SLC24A1: variants seen among roughly 807,000 people sequenced by gnomAD.
SLC24A1 encodes solute carrier family 24 member 1, also known as sodium/potassium/calcium exchanger 1.
A neutral mutation model predicts 88.1 loss-of-function variants in SLC24A1; 52 were observed. The ratio of observed to expected loss-of-function variants is 0.59; its 90% CI spans 0.47 to 0.74. SLC24A1 has a LOEUF of 0.74. Ranked by LOEUF, SLC24A1 falls within the 30% of genes least tolerant of loss-of-function variation. The probability of loss-of-function intolerance (pLI) is 0.00; values close to 1 mark genes in which losing one functional copy is unlikely to be tolerated. For synonymous variants in SLC24A1, 455 were observed against 498.0 expected, an observed-to-expected ratio of 0.91 and a Z score of 1.15; for missense variants, 1,173 against 1,363.3, an observed-to-expected ratio of 0.86 and a Z score of 2.20.
At chr15:65,651,479 C>T (rs2075502996) in intron 7 of SLC24A1, among the ~76,000 whole-genome samples, 191 bp from the exon 8 acceptor site, 1 of 152,116 alleles carries the variant, frequency 6.6e-6, no homozygotes, top group African/African-American at 2.4e-5. Context: ...ACAGGTGTAC[C>T]CCCAACCTCC....
At chr15:65,636,291 CA>C (rs1232170393) in intron 2 of SLC24A1, among the ~76,000 whole-genome samples, 1 of 151,864 alleles carries the variant, frequency 6.6e-6, no homozygotes, top group Non-Finnish European at 1.5e-5. Context: ...CCAGTATCTA[CA>C]AAAAACAAAA....
rs2075464385 is a variant in SLC24A1, at chr15:65,650,655, G to C, written c.2506G>C (p.Glu836Gln). ...GETESQELSA[E>Q]NHGEAKNDEK... ...AACTGAAAGCCAGGAACTCAGTGCT[G>C]AAAATCACGGTGAAGCCAAAAATGA... Residue 836 changes from glutamate to glutamine, a missense_variant, in exon 7 of 10, where the codon GAA (glutamate) becomes CAA (glutamine). Glu to Gln is a conservative substitution (Grantham distance 29). Coordinates refer to ENST00000261892, the MANE Select transcript of SLC24A1 (RefSeq NM_004727.3). The surrounding 1 kb of genome is among the most constrained non-coding windows in gnomAD (Gnocchi z 4.1). The C allele has an allele frequency of 1.2e-5, 18 of 1,548,094 alleles. No homozygotes were observed. The highest frequency in any genetic ancestry group is 1.5e-5 in the Non-Finnish European group (17 of 1,144,422).
At chr15:65,613,864 C>T (rs1168162209) in intron 2 of SLC24A1, among the ~76,000 whole-genome samples, 1 of 152,032 alleles carries the variant, frequency 6.6e-6, no homozygotes, top group Middle Eastern at 3.2e-3. Context: ...GGGGGAAGAG[C>T]AGTGGGCCTA....
intron 2 of SLC24A1, among the ~76,000 whole-genome samples, chr15:65,634,821 GAAAA>G (rs59710940): frequency 3.4e-5 from 5 of 148,774 alleles, no homozygotes; most frequent in African/African-American, 4.9e-5. Context: ...AGAAAAAAAA[GAAAA>G]AAAGAGAAGA....
chr15:65,650,827 AT>A lies in SLC24A1; in HGVS notation c.2679del (p.Asn893LysfsTer31), dbSNP rs767036519. 2.0e-5 allele frequency: 32 copies of A among 1,613,572 alleles called. No individual in the cohort carries two copies. The highest frequency in any genetic ancestry group is 2.6e-5 in the Non-Finnish European group (31 of 1,179,806). On this transcript the variant is annotated frameshift_variant, in exon 7 of 10. Coordinates refer to ENST00000261892, the MANE Select transcript of SLC24A1 (RefSeq NM_004727.3). LOFTEE classifies it high-confidence loss of function. The surrounding 1 kb of genome is among the most constrained non-coding windows in gnomAD (Gnocchi z 4.1). ...GAGGAGGAAGAGGAGGAGAAGGGAA[AT>A]GAAGAGCCTCTGTCCCTGGACTGGC... ...EEEEEEEEKG[N>X]EEPLSLDWPE...
chr15:65,650,348 T>C lies in SLC24A1; in HGVS notation c.2233-34T>C. 6.6e-7 allele frequency: 1 copy of C among 1,519,000 alleles called. No homozygotes were observed. The highest frequency in any genetic ancestry group is 8.9e-7 in the Non-Finnish European group (1 of 1,121,090). The allele number at this position is 1,519,000 out of a possible 1,614,324, so 94.1% of individuals were successfully genotyped here. On this transcript the variant is annotated intron_variant, in intron 6 of 9. Coordinates refer to ENST00000261892, the MANE Select transcript of SLC24A1 (RefSeq NM_004727.3). The surrounding 1 kb of genome is among the most constrained non-coding windows in gnomAD (Gnocchi z 4.1). ...ACATAAGGAAAACAAGCAGAGCAGT[T>C]ACCACACATTAATCTGTTGGTTTTG...
Position 65,640,696 on chromosome 15 carries a change from C to T in SLC24A1, c.2053+993C>T, listed in dbSNP as rs535745329. The stretch of plus-strand genomic sequence containing the variant: ...CCTTTCTGGCTCAAGGACAAATTTT[C>T]GGGGCTCAGAATTTTCTTTAGGCTC... On this transcript the variant is annotated intron_variant, in intron 4 of 9. Transcript: ENST00000261892. 5.9e-5 allele frequency among the ~76,000 whole-genome samples: 9 copies of T among 152,232 alleles called. No individual in the cohort carries two copies. In the South Asian group the frequency reaches 1.0e-3, roughly 18 times the overall value.
chr15:65,611,847 G>T (rs2073962145), intron 1 of SLC24A1: 1 of 152,314 alleles, frequency 6.6e-6, no homozygotes, highest in South Asian at 2.1e-4. Flanking sequence ...TACTTGGGAG[G>T]CTAACGCACG....
intron 2 of SLC24A1, among the ~76,000 whole-genome samples, chr15:65,633,880 C>A (rs2074816991): frequency 6.6e-6 from 1 of 152,066 alleles, no homozygotes; most frequent in Admixed American, 6.6e-5. Context: ...TGCTCAGAAA[C>A]CCACTCTGGC....
chr15:65,634,139 T>C (rs1156566511), intron 2 of SLC24A1, among the ~76,000 whole-genome samples: 1 of 152,122 alleles, frequency 6.6e-6, no homozygotes, highest in Non-Finnish European at 1.5e-5. Context: ...TGAAGTGTGC[T>C]CTACCTGAGA....
chr15:65,651,100 G>A (rs2075488801), intron 7 of SLC24A1, among the ~76,000 whole-genome samples, 158 bp downstream of exon 7: 1 of 152,136 alleles, frequency 6.6e-6, no homozygotes, highest in Non-Finnish European at 1.5e-5. Flanking sequence ...AAGCCTTGGA[G>A]GGGGACTATG....
chr15:65,633,012 C>A (rs755725761), intron 2 of SLC24A1, among the ~76,000 whole-genome samples: 12 of 152,106 alleles, frequency 7.9e-5, no homozygotes, highest in Admixed American at 2.0e-4. Flanking sequence ...TGCAGAGAGC[C>A]GACATCTCAA....
Position 65,654,408 on chromosome 15 carries a change from A to G in SLC24A1, c.*329A>G. 8.5e-7 allele frequency: 1 copy of G among 1,171,138 alleles called. No individual in the cohort carries two copies. The highest frequency in any genetic ancestry group is 1.1e-6 in the Non-Finnish European group (1 of 942,944). 72.5% of individuals were successfully genotyped at this position (1,171,138 alleles called of 1,614,324 possible). A position where few individuals can be genotyped will look rare whatever the true frequency, so the allele number is the denominator to read the frequency against. On this transcript the variant is annotated 3_prime_UTR_variant, in exon 10 of 10. Transcript: ENST00000261892. The stretch of plus-strand genomic sequence containing the variant: ...GGGCAAAGGTTGGGATAGGCGCAGC[A>G]GCTATAAGACAAGCTCCTACGCTCA...
chr15:65,644,564 T>C, intron 5 of SLC24A1, 51 bp downstream of exon 5: 1 of 1,314,152 alleles, frequency 7.6e-7, no homozygotes, highest in Non-Finnish European at 1.1e-6. Context: ...CTCTCCCTGC[T>C]GTCAGTAGTG....
At position 65,650,580 on chromosome 15, in the gene SLC24A1, G is replaced by C; in HGVS notation, c.2431G>C (p.Glu811Gln). ...AAAAGGAGACAATGAAGGTGAAGAT[G>C]AGGGTGAAATCCACGCAGAAGATGG... is the stretch of plus-strand genomic sequence containing the variant. ...EGKGDNEGED[E>Q]GEIHAEDGEM... Residue 811 changes from glutamate to glutamine, a missense_variant, in exon 7 of 10, where the codon GAG becomes CAG. By Grantham distance (29) the Glu-to-Gln change is conservative. Transcript: ENST00000261892. This position sits in a 1 kb window ranked among gnomAD's most constrained non-coding sequence, Gnocchi z 4.1. The C allele has an allele frequency of 1.3e-6, 2 of 1,551,906 alleles. No individual in the cohort carries two copies. Among genetic ancestry groups the C allele is most frequent in the Non-Finnish European group, 1.7e-6 (2 of 1,147,000 alleles).
chr15:65,614,394 A>G (rs115511090), intron 2 of SLC24A1, among the ~76,000 whole-genome samples: 1,936 of 152,342 alleles, frequency 0.013, 52 homozygotes, highest in African/African-American at 0.045. Context: ...TCAGCTTTCA[A>G]ATATTCAGTT....
At chr15:65,658,434 A>G (rs532791166), downstream of SLC24A1, 4 of 152,362 alleles carry the variant, frequency 2.6e-5, no homozygotes, top group Non-Finnish European at 5.9e-5. Context: ...GCAGCTTTCA[A>G]GTTCTAGTGA....
At position 65,625,181 on chromosome 15, in the gene SLC24A1, G is replaced by A. The variant is rs1414946852; in HGVS notation, c.1101G>A (p.Leu367=). ...IKTAPAIVWR[L]AKKPSTAPST... ...CAGCCCCAGCCATAGTCTGGAGGCTGGCAAAGAAACCTTCCACAGCACCCA... is the reference window on the plus strand; with the variant it reads ...CAGCCCCAGCCATAGTCTGGAGGCTAGCAAAGAAACCTTCCACAGCACCCA... The change falls in exon 2 of 10, where the codon CTG becomes CTA. Residue 367 remains leucine, a synonymous_variant. Coordinates refer to ENST00000261892, the MANE Select transcript of SLC24A1 (RefSeq NM_004727.3). 4 of 1,613,890 alleles carry A rather than the reference G, an allele frequency of 2.5e-6. No individual in the cohort carries two copies. The African/African-American group carries it at 4.0e-5, about 16-fold the overall frequency.
rs747701260 is a variant in SLC24A1 at position 65,654,106 on chromosome 15, A to G, written c.*27A>G. The stretch of plus-strand genomic sequence containing the variant: ...TCAGTCACTCTTGCTCACAATGGGC[A>G]TGGATCAGAAGACCATGCAGAAGTT... On this transcript the variant is annotated 3_prime_UTR_variant, in exon 10 of 10. Coordinates refer to ENST00000261892, the MANE Select transcript of SLC24A1 (RefSeq NM_004727.3). 1.3e-5 allele frequency: 21 copies of G among 1,603,642 alleles called. No individual in the cohort carries two copies. Among genetic ancestry groups the G allele is most frequent in the Non-Finnish European group, 8.5e-6 (10 of 1,173,552 alleles).
Sources: gnomAD v4.1 joint callset for allele counts (sites outside exome capture counted in the v4.1 genomes callset) on GRCh38, gnomAD v4.1.1 for gene constraint, Gnocchi (gnomAD v3.1) non-coding constraint, MANE v1.5 for transcripts, NCBI Gene and HGNC (gene_info 2026-07-23, HGNC 2026-07-21) for gene names.